The following KIAA2012 variants were observed in gnomAD, a reference collection of about 807,000 sequenced individuals.
KIAA2012 encodes KIAA2012.
In KIAA2012, 125 loss-of-function variants were observed where a neutral mutation model predicts 150.6. The ratio of observed to expected loss-of-function variants is 0.83; its 90% confidence interval spans 0.72 to 0.96. KIAA2012 has a LOEUF of 0.96. KIAA2012 is among the 40% of genes least tolerant of loss of function. KIAA2012 has a pLI of 0.00. For synonymous variants in KIAA2012, 462 were observed against 504.7 expected, an observed-to-expected ratio of 0.92 and a Z score of 1.13; for missense variants, 1,219 against 1,354.9, an observed-to-expected ratio of 0.90 and a Z score of 1.57.
At chr2:202,152,567 C>A (rs76739984) in intron 13 of KIAA2012, among the ~76,000 whole-genome samples, 360 of 152,276 alleles carry the variant, frequency 2.4e-3, no homozygotes, top group African/African-American at 8.1e-3. Flanking sequence ...TCCAGTGATT[C>A]ATGCATGATT....
intron 11 of KIAA2012, chr2:202,114,786 C>T (rs1488040706): frequency 6.2e-6 from 1 of 161,336 alleles, no homozygotes; most frequent in African/African-American, 2.4e-5. Flanking sequence ...AAAGATGAAA[C>T]TTATGCTGAT....
At chr2:202,097,100 C>T (rs1575008522) in intron 4 of KIAA2012, among the ~76,000 whole-genome samples, 1 of 152,310 alleles carries the variant, frequency 6.6e-6, no homozygotes, top group East Asian at 1.9e-4. Flanking sequence ...TTACAAGGGG[C>T]TGTCACATTC....
Position 202,193,434 on chromosome 2 carries a change from A to G in KIAA2012, c.2945A>G (p.Gln982Arg), listed in dbSNP as rs568378723. The change falls in exon 20 of 24, where the codon CAG becomes CGG. Residue 982 changes from glutamine (Q) to arginine (R), a missense_variant. Coordinates refer to ENST00000498697, the MANE Select transcript of KIAA2012 (RefSeq NM_001277372.4). ...GAGCAAAGGCAGCTCCAGCAGGAGC[A>G]GCTGGAGAGAGCAAAAAAGATGGAG... ...QEEQRQLQQE[Q>R]LERAKKMEEE... The G allele has an allele frequency of 1.4e-5, 21 of 1,550,360 alleles. No homozygotes were observed. In the Admixed American group the frequency reaches 4.1e-4, roughly 30 times the overall value.
rs1013251898 is a variant in KIAA2012, at chr2:202,080,169, T to G, written c.369+4994T>G. On this transcript the variant is annotated intron_variant, in intron 2 of 23. Coordinates refer to ENST00000498697, the MANE Select transcript of KIAA2012 (RefSeq NM_001277372.4). ...CACATTCCCCAGAGAAAAAGAAGCA[T>G]CTCCCCAGCTTTAACAGTATGTTTA... 3.3e-5 allele frequency among the ~76,000 whole-genome samples: 5 copies of G among 152,256 alleles called. 1 individual carries two copies. In the South Asian group the frequency reaches 6.2e-4, roughly 19 times the overall value.
chr2:202,103,790 G>GA (rs1388899339), intron 8 of KIAA2012, among the ~76,000 whole-genome samples: 2 of 152,184 alleles, frequency 1.3e-5, no homozygotes, highest in African/African-American at 4.8e-5. Flanking sequence ...TCCAACTGGC[G>GA]ACGTGGGCTT....
intron 18 of KIAA2012, 25 bp from the exon 19 acceptor site, chr2:202,190,149 T>C: frequency 6.7e-7 from 1 of 1,489,776 alleles, no homozygotes; most frequent in South Asian, 1.4e-5. Context: ...CAGCTATATC[T>C]CTATCCCCAA....
intron 3 of KIAA2012, among the ~76,000 whole-genome samples, 192 bp from the exon 4 acceptor site, chr2:202,092,838 C>A (rs1689760468): frequency 6.6e-6 from 1 of 151,998 alleles, no homozygotes; most frequent in African/African-American, 2.4e-5. Flanking sequence ...CCAGAAGCAC[C>A]CAAGACACTA....
rs929049903 is a variant in KIAA2012, at chr2:202,097,537, G to T, written c.788G>T (p.Arg263Leu). ...AGTCAGGGGACTCGCTTGCCACCAC[G>T]CAGGAAGCAGCCCTGGCAGGAAGAT... is the stretch of plus-strand genomic sequence containing the variant. ...HGSQGTRLPP[R>L]RKQPWQEDET... Residue 263 changes from arginine to leucine, a missense_variant, in exon 5 of 24, where the codon CGC becomes CTC. By Grantham distance (102) the Arg-to-Leu change is moderately radical (BLOSUM62 -2). Coordinates refer to ENST00000498697, the MANE Select transcript of KIAA2012 (RefSeq NM_001277372.4). The T allele has an allele frequency of 3.2e-6, 5 of 1,550,206 alleles. No homozygotes were observed. The highest frequency in any genetic ancestry group is 1.2e-5 in the South Asian group (1 of 84,042).
At position 202,193,492 on chromosome 2, in the gene KIAA2012, A is replaced by G; in HGVS notation, c.3003A>G (p.Thr1001=). ...EELELEQQRR[T]EEIRLRKQRL... is the part of the protein sequence containing the mutation. ...TGGAGCTGGAGCAGCAGAGACGTAC[A>G]GAAGAGATCCGGTAGGTTGGGCAAG... is the stretch of plus-strand genomic sequence containing the variant. The change falls in exon 20 of 24, where the codon ACA becomes ACG. Residue 1001 remains threonine (T), a synonymous_variant. Coordinates refer to ENST00000498697, the MANE Select transcript of KIAA2012 (RefSeq NM_001277372.4). 1.3e-6 allele frequency: 2 copies of G among 1,550,146 alleles called. No homozygotes were observed. Among genetic ancestry groups the G allele is most frequent in the Non-Finnish European group, 1.7e-6 (2 of 1,146,900 alleles).
At chr2:202,133,512 T>C (rs1691005109) in intron 12 of KIAA2012, among the ~76,000 whole-genome samples, 1 of 152,166 alleles carries the variant, frequency 6.6e-6, no homozygotes, top group Non-Finnish European at 1.5e-5. Context: ...AAAAGGACTG[T>C]TATCCCAAAT....
At chr2:202,121,144 A>C (rs1375287499) in intron 11 of KIAA2012, among the ~76,000 whole-genome samples, 1 of 152,210 alleles carries the variant, frequency 6.6e-6, no homozygotes, top group African/African-American at 2.4e-5. Flanking sequence ...GTGGAAGAGA[A>C]CAATTCCATA....
chr2:202,193,558 A>G, intron 20 of KIAA2012, 55 bp downstream of exon 20: 5 of 1,529,182 alleles, frequency 3.3e-6, no homozygotes, highest in Non-Finnish European at 4.4e-6. Flanking sequence ...GAAGAAAAAG[A>G]CAGTGGTTGA....
intron 13 of KIAA2012, 75 bp downstream of exon 13, chr2:202,138,583 C>A: frequency 9.0e-7 from 1 of 1,106,170 alleles, no homozygotes; most frequent in Non-Finnish European, 1.3e-6. Context: ...TTGCTGTGTG[C>A]CCCTCAGTGA....
At position 202,104,401 on chromosome 2, in the gene KIAA2012, TACTC is replaced by T. The variant is rs1390171911; in HGVS notation, c.1324+1290_1324+1293del. Among the ~76,000 whole-genome samples the T allele has an allele frequency of 7.2e-5, 11 of 152,290 alleles. No individual in the cohort carries two copies. The highest frequency in any genetic ancestry group is 2.0e-4 in the Admixed American group (3 of 15,294). ...AGTTGGCACTGAAAAGATAGTTTGT[TACTC>T]ACAGTTCCAAGAGGAGGAGGCACAC... On this transcript the variant is annotated intron_variant, in intron 8 of 23. Coordinates refer to ENST00000498697, the MANE Select transcript of KIAA2012 (RefSeq NM_001277372.4). This position sits in a 1 kb window ranked among gnomAD's most constrained non-coding sequence, Gnocchi z 4.3.
chr2:202,080,110 G>A (rs748299293), intron 2 of KIAA2012, among the ~76,000 whole-genome samples: 25 of 152,084 alleles, frequency 1.6e-4, no homozygotes, highest in African/African-American at 4.6e-4. Context: ...AAAGCCCCAC[G>A]TTTAACCCCT....
In KIAA2012 at chr2:202,099,742, T is replaced by C; in HGVS notation, c.958T>C (p.Ser320Pro). Residue 320 changes from serine to proline, a missense_variant, in exon 6 of 24, where the codon TCC (serine) becomes CCC (proline). By Grantham distance (74) the Ser-to-Pro change is moderately conservative. Transcript: ENST00000498697. ...IDHSWLPSDK[S>P]HITFCGGAFP... Reference sequence around the variant, plus strand: ...TCACTCTTGGCTCCCAAGTGACAAATCCCACATTACATTCTGTGGAGGCGC... The same window carrying C: ...TCACTCTTGGCTCCCAAGTGACAAACCCCACATTACATTCTGTGGAGGCGC... 1 of 1,550,560 alleles carries C rather than the reference T, an allele frequency of 6.4e-7. No individual in the cohort carries two copies. Among genetic ancestry groups the C allele is most frequent in the Non-Finnish European group, 8.7e-7 (1 of 1,146,982 alleles).
chr2:202,096,938 A>T (rs1575008421), intron 4 of KIAA2012, among the ~76,000 whole-genome samples: 1 of 152,310 alleles, frequency 6.6e-6, no homozygotes, highest in East Asian at 1.9e-4. Context: ...ACCTCAGTGC[A>T]TTCGGCAGAG....
rs11435434 is a variant in KIAA2012, at chr2:202,163,104, CT to C, written c.2047-2164del. 3.9e-4 allele frequency among the ~76,000 whole-genome samples: 51 copies of C among 130,210 alleles called. 1 individual carries two copies. The highest frequency in any genetic ancestry group is 1.0e-3 in the Admixed American group (12 of 11,980). 85.4% of individuals were successfully genotyped at this position (130,210 alleles called of 152,430 possible). On this transcript the variant is annotated intron_variant, in intron 14 of 23. Transcript: ENST00000498697. The stretch of plus-strand genomic sequence containing the variant: ...ATAGAAGTTATTTCACATGTATATT[CT>C]TTTTTTTTTTTTTTTCAAGATGAAG...
intron 15 of KIAA2012, among the ~76,000 whole-genome samples, chr2:202,175,853 G>A (rs1272148541): frequency 1.3e-5 from 2 of 152,122 alleles, no homozygotes; most frequent in Non-Finnish European, 2.9e-5. Context: ...TTTTAAAGCT[G>A]TAAAAAATAA....
Sources: allele counts gnomAD v4.1 joint callset (sites outside exome capture counted in the v4.1 genomes callset), GRCh38; gene constraint gnomAD v4.1.1; non-coding constraint Gnocchi (gnomAD v3.1); transcripts MANE v1.5; gene names NCBI Gene and HGNC (gene_info 2026-07-23, HGNC 2026-07-21).